The following CARMIL1 variants were observed in gnomAD, a reference collection of about 807,000 sequenced individuals.
CARMIL1 encodes the protein capping protein regulator and myosin 1 linker 1, also known as F-actin-uncapping protein LRRC16A.
A neutral mutation model predicts 177.1 loss-of-function variants in CARMIL1; 90 were observed. The observed-to-expected ratio is 0.51, with a 90% CI of 0.43 to 0.61. The LOEUF is 0.61. Among genes scored for constraint, CARMIL1 ranks in the 20% least tolerant of loss-of-function variants. CARMIL1 has a pLI of 0.00. For synonymous variants in CARMIL1, 577 were observed against 606.2 expected, an observed-to-expected ratio of 0.95 and a Z score of 0.71; for missense variants, 1,380 against 1,667.0, an observed-to-expected ratio of 0.83 and a Z score of 3.00.
chr6:25,599,041 A>G (rs1815131796), intron 32 of CARMIL1, among the ~76,000 whole-genome samples: 1 of 152,190 alleles, frequency 6.6e-6, no homozygotes, highest in Non-Finnish European at 1.5e-5. Context: ...GCTCAGCTGC[A>G]TTTGGAGTCC....
chr6:25,473,238 A>G (rs1305960210), intron 11 of CARMIL1, among the ~76,000 whole-genome samples: 1 of 152,110 alleles, frequency 6.6e-6, no homozygotes, highest in Non-Finnish European at 1.5e-5. Flanking sequence ...CATGAACTCA[A>G]AGTCAAGTGA....
At chr6:25,513,725 G>A (rs1367203354) in intron 20 of CARMIL1, among the ~76,000 whole-genome samples, 2 of 152,128 alleles carry the variant, frequency 1.3e-5, no homozygotes, top group African/African-American at 4.8e-5. Context: ...GGGGGCTGTC[G>A]TGTAGACCAC....
At chr6:25,447,246 T>C (rs183509677) in intron 5 of CARMIL1, among the ~76,000 whole-genome samples, 5 of 152,352 alleles carry the variant, frequency 3.3e-5, no homozygotes, top group Admixed American at 6.5e-5. Context: ...GATTATGTCT[T>C]AGTCATAAAA....
At position 25,545,019 on chromosome 6, in the gene CARMIL1, T is replaced by A. The variant is rs566771406; in HGVS notation, c.2328+4941T>A. 4.6e-5 allele frequency among the ~76,000 whole-genome samples: 7 copies of A among 152,312 alleles called. No homozygotes were observed. In the South Asian group the frequency reaches 1.4e-3, roughly 32 times the overall value. On this transcript the variant is annotated intron_variant, in intron 26 of 36. Coordinates refer to ENST00000329474, the MANE Select transcript of CARMIL1 (RefSeq NM_017640.6). Reference sequence around the variant, plus strand: ...CTTGCATTATGTACATTTCAAGGGATCAGTAGCCACATGTGGCTAATGCCT... The same window carrying A: ...CTTGCATTATGTACATTTCAAGGGAACAGTAGCCACATGTGGCTAATGCCT...
At position 25,286,627 on chromosome 6, in the gene CARMIL1, A is replaced by C. The variant is rs557654962; in HGVS notation, c.138+1718A>C. ...TGTCATTTGCTTTTTTACAAATTTA[A>C]AGTAAGTTTTTAATAATGTAGTAAC... On this transcript the variant is annotated intron_variant, in intron 2 of 36. Coordinates refer to ENST00000329474, the MANE Select transcript of CARMIL1 (RefSeq NM_017640.6). 6.6e-5 allele frequency among the ~76,000 whole-genome samples: 10 copies of C among 152,334 alleles called. No individual in the cohort carries two copies. In the East Asian group the frequency reaches 1.7e-3, roughly 26 times the overall value.
chr6:25,330,688 T>TAA (rs145205834), intron 2 of CARMIL1, among the ~76,000 whole-genome samples: 1,764 of 142,586 alleles, frequency 0.012, 23 homozygotes, highest in Middle Eastern at 0.032. Flanking sequence ...CCATCTCTAT[T>TAA]AAAAAAAAAA....
chr6:25,500,138 A>G lies in CARMIL1; in HGVS notation c.1326-28A>G, dbSNP rs140947274. 14,970 of 1,603,026 alleles carry G rather than the reference A, an allele frequency of 9.3e-3. 206 individuals are homozygous for G. Among genetic ancestry groups the G allele is most frequent in the Middle Eastern group, 0.037 (225 of 6,048 alleles). On this transcript the variant is annotated intron_variant, in intron 16 of 36. Transcript: ENST00000329474. ...CTTTTGGGCAGTGTGTGGAATGTGT[A>G]TCTAATATGTGTGTTTCCTCCCCTC...
intron 29 of CARMIL1, among the ~76,000 whole-genome samples, chr6:25,560,765 C>T (rs1032786615): frequency 6.6e-6 from 1 of 152,060 alleles, no homozygotes. Flanking sequence ...TTAGTTATAC[C>T]ACATTGATTT....
At chr6:25,495,538 CGTGTGTGTGTGTGTGTGTGTGTGTGT>C (rs144132253) in intron 16 of CARMIL1, among the ~76,000 whole-genome samples, 3 of 144,978 alleles carry the variant, frequency 2.1e-5, no homozygotes, top group East Asian at 4.1e-4. Flanking sequence ...TTCGTTTGTT[CGTGTGTGTGTGTGTGTGTGTGTGTGT>C]GTGTGTGTGT....
At position 25,561,818 on chromosome 6, in the gene CARMIL1, T is replaced by C. The variant is rs192071431; in HGVS notation, c.2742+4968T>C. 3.3e-5 allele frequency among the ~76,000 whole-genome samples: 5 copies of C among 152,326 alleles called. No homozygotes were observed. In the East Asian group the frequency reaches 9.7e-4, roughly 29 times the overall value. ...TATGTGAAGAGGGTTGTTCAAATCA[T>C]AATTGTTAATTTTCTCATAATTTTA... On this transcript the variant is annotated intron_variant, in intron 29 of 36. Transcript: ENST00000329474.
intron 2 of CARMIL1, among the ~76,000 whole-genome samples, chr6:25,392,258 A>T (rs1281181507): frequency 1.3e-5 from 2 of 152,130 alleles, no homozygotes; most frequent in Non-Finnish European, 2.9e-5. Context: ...CCTTGTATGT[A>T]TGTATAATAC....
intron 2 of CARMIL1, among the ~76,000 whole-genome samples, chr6:25,347,546 G>T (rs1041952965): frequency 2.0e-5 from 3 of 152,146 alleles, no homozygotes; most frequent in East Asian, 1.9e-4. Context: ...TTCATTTAAA[G>T]AAATACTGTG....
At chr6:25,344,759 G>A (rs2690093) in intron 2 of CARMIL1, among the ~76,000 whole-genome samples, 28,697 of 151,888 alleles carry the variant, frequency 0.19, 3,054 homozygotes, top group African/African-American at 0.28. Flanking sequence ...ACCTGCCTGC[G>A]TCTGTGCCCA....
At position 25,553,935 on chromosome 6, in the gene CARMIL1, T is replaced by C. The variant is rs936819687; in HGVS notation, c.2505-74T>C. The C allele has an allele frequency of 3.4e-5, 31 of 905,904 alleles. 1 individual carries two copies. The Middle Eastern group carries it at 2.1e-3, about 62-fold the overall frequency. The allele number at this position is 905,904 out of a possible 1,614,324, so 56.1% of individuals were successfully genotyped here. A position where few individuals can be genotyped will look rare whatever the true frequency, so the allele number is the denominator to read the frequency against. On this transcript the variant is annotated intron_variant, in intron 27 of 36. Transcript: ENST00000329474. ...GGAATCACAGTTGACCTTATCACTA[T>C]AGCAGCAAGGGTGGATCATTTTCCC...
chr6:25,398,429 T>C (rs995783247), intron 2 of CARMIL1, among the ~76,000 whole-genome samples: 6 of 152,234 alleles, frequency 3.9e-5, no homozygotes, highest in African/African-American at 1.4e-4. Flanking sequence ...AGGTTTGTCA[T>C]GAGTGTCCTT....
chr6:25,576,249 T>C (rs1021541740), intron 29 of CARMIL1, among the ~76,000 whole-genome samples: 1 of 151,886 alleles, frequency 6.6e-6, no homozygotes, highest in African/African-American at 2.4e-5. Context: ...CTAAGGTGAA[T>C]GGAGAAGGAA....
chr6:25,296,637 C>T (rs146382967), intron 2 of CARMIL1, among the ~76,000 whole-genome samples: 56 of 152,296 alleles, frequency 3.7e-4, no homozygotes, highest in Non-Finnish European at 6.5e-4. Flanking sequence ...GGCACAGCCA[C>T]ACTCACTTGC....
At chr6:25,539,710 G>A (rs1242291628) in intron 25 of CARMIL1, among the ~76,000 whole-genome samples, 1 of 151,258 alleles carries the variant, frequency 6.6e-6, no homozygotes, top group Non-Finnish European at 1.5e-5. Context: ...TGACAGAAGT[G>A]GTCAATGTGA....
rs1759585806 is a variant in CARMIL1, at chr6:25,619,732, C to G, written c.*149C>G. 2 of 350,074 alleles carry G rather than the reference C, an allele frequency of 5.7e-6. No homozygotes were observed. Among genetic ancestry groups the G allele is most frequent in the Non-Finnish European group, 4.3e-6 (1 of 230,682 alleles). The allele number at this position is 350,074 out of a possible 1,614,324, so 21.7% of individuals were successfully genotyped here. On this transcript the variant is annotated 3_prime_UTR_variant, in exon 37 of 37. Transcript: ENST00000329474. Reference sequence around the variant, plus strand: ...ATTTCGCCCCCACCCCCATCCCCTGCCTTTTTTTTTTTTTTTTTTTTTTTT... The same window carrying G: ...ATTTCGCCCCCACCCCCATCCCCTGGCTTTTTTTTTTTTTTTTTTTTTTTT...
Sources: allele counts gnomAD v4.1 joint callset (sites outside exome capture counted in the v4.1 genomes callset), GRCh38; gene constraint gnomAD v4.1.1; transcripts MANE v1.5; gene names NCBI Gene and HGNC (gene_info 2026-07-23, HGNC 2026-07-21).